The following SLC36A1 variants were observed in gnomAD, a reference collection of about 807,000 sequenced individuals.
SLC36A1 encodes proton-coupled amino acid transporter 1.
Under a neutral mutation model 47.5 loss-of-function variants are expected in SLC36A1, and 30 were observed. The ratio of observed to expected loss-of-function variants is 0.63; its 90% CI spans 0.47 to 0.86. The LOEUF is 0.86. Ranked by LOEUF, SLC36A1 falls within the 40% of genes least tolerant of loss-of-function variation. The pLI is 0.00. For synonymous variants in SLC36A1, 255 were observed against 249.7 expected (o/e 1.02, Z -0.20); for missense variants, 517 against 606.0 (o/e 0.85, Z 1.54).
At chr5:151,552,415 G>A in the SLC36A1 span, among the ~76,000 whole-genome samples, 5 of 152,174 alleles carry the variant, frequency 3.3e-5, no homozygotes, top group African/African-American at 9.7e-5. Context: ...TGGGTCAAGG[G>A]CATATATCCT....
chr5:151,485,676 A>G (rs1244271722), intron 10 of SLC36A1, among the ~76,000 whole-genome samples: 4 of 152,080 alleles, frequency 2.6e-5, no homozygotes, highest in Non-Finnish European at 4.4e-5. Context: ...CTCTCTTTCC[A>G]TAGGACTGTA....
intron 9 of SLC36A1, among the ~76,000 whole-genome samples, chr5:151,478,630 T>C (rs527885709): frequency 6.6e-6 from 1 of 152,338 alleles, no homozygotes; most frequent in African/African-American, 2.4e-5. Context: ...TGTATGCCCA[T>C]GGCAAAGATT....
the SLC36A1 span, among the ~76,000 whole-genome samples, chr5:151,356,339 C>CAAAAAAAAAAAAAAAAAAA: frequency 0.019 from 963 of 51,172 alleles, 88 homozygotes; most frequent in Non-Finnish European, 0.029. Context: ...CTCTGTCTCA[C>CAAAAAAAAAAAAAAAAAAA]AAAAAAAAAA....
chr5:151,390,789 A>G, the SLC36A1 span, among the ~76,000 whole-genome samples: 2 of 152,184 alleles, frequency 1.3e-5, no homozygotes, highest in Non-Finnish European at 2.9e-5. Context: ...TACCAGTACC[A>G]TGTTGTTTTG....
the SLC36A1 span, among the ~76,000 whole-genome samples, chr5:151,537,367 G>C: frequency 1.4e-5 from 2 of 142,156 alleles, no homozygotes; most frequent in Non-Finnish European, 3.0e-5. Flanking sequence ...AGGAAGGAAG[G>C]AAAGAAACAA....
chr5:151,375,671 A>G, the SLC36A1 span, among the ~76,000 whole-genome samples: 75,269 of 151,860 alleles, frequency 0.5, 20,676 homozygotes, highest in African/African-American at 0.75. Context: ...TCATTTTAAC[A>G]ACTGTGTTTT....
At chr5:151,422,285 T>C in the SLC36A1 span, 4 of 152,196 alleles carry the variant, frequency 2.6e-5, no homozygotes, top group East Asian at 1.9e-4. Context: ...ATGAAAAACA[T>C]AGGACAAAAA....
intron 1 of SLC36A1, among the ~76,000 whole-genome samples, chr5:151,449,932 T>A (rs1314988063): frequency 1.0e-5 from 1 of 97,704 alleles, no homozygotes; most frequent in African/African-American, 3.8e-5. Context: ...GATGTCCACT[T>A]ACTAGCATGT....
At chr5:151,349,224 GAGA>G in the SLC36A1 span, among the ~76,000 whole-genome samples, 1 of 152,154 alleles carries the variant, frequency 6.6e-6, no homozygotes, top group Admixed American at 6.5e-5. Context: ...TCCAGGTTTT[GAGA>G]AGAACTCTGA....
chr5:151,505,252 C>A, the SLC36A1 span: 1 of 446,276 alleles, frequency 2.2e-6, no homozygotes, highest in East Asian at 4.5e-5. Context: ...GACTGAGAGC[C>A]GGCAGATCAG....
chr5:151,372,635 A>G, the SLC36A1 span, among the ~76,000 whole-genome samples: 1 of 152,006 alleles, frequency 6.6e-6, no homozygotes, highest in African/African-American at 2.4e-5. Flanking sequence ...ATTTTTAGAG[A>G]CGGGGTCCTG....
chr5:151,489,107 AC>A lies in SLC36A1; in HGVS notation c.*854del, dbSNP rs1759900747. 6.6e-6 allele frequency: 1 copy of A among 151,878 alleles called. No homozygotes were observed. The highest frequency in any genetic ancestry group is 2.1e-4 in the South Asian group (1 of 4,802). 9.4% of individuals were successfully genotyped at this position (151,878 alleles called of 1,614,324 possible). A position where few individuals can be genotyped will look rare whatever the true frequency, so the allele number is the denominator to read the frequency against. The stretch of plus-strand genomic sequence containing the variant: ...GGGTCCTCGGCACTCTTGGCTGAGG[AC>A]TCAAAGGTTTTAATCAGGATCGTCT... On this transcript the variant is annotated 3_prime_UTR_variant, in exon 11 of 11. Coordinates refer to ENST00000243389, the MANE Select transcript of SLC36A1 (RefSeq NM_078483.4). The surrounding 1 kb of genome is among the most constrained non-coding windows in gnomAD (Gnocchi z 4.5).
rs1438207012 is a variant in SLC36A1, at chr5:151,465,114, T to C, written c.364T>C (p.Tyr122His). 1.2e-6 allele frequency: 2 copies of C among 1,614,202 alleles called. No individual in the cohort carries two copies. The highest frequency in any genetic ancestry group is 2.2e-5 in the East Asian group (1 of 44,892). ...SFVDYGDTVM[Y>H]GLESSPCSWL... ...TGTGGATTATGGTGATACTGTGATG[T>C]ATGGACTAGAATCCAGCCCCTGCTC... Residue 122 changes from tyrosine (Y) to histidine (H), a missense_variant, in exon 5 of 11, where the codon TAT becomes CAT. Coordinates refer to ENST00000243389, the MANE Select transcript of SLC36A1 (RefSeq NM_078483.4).
intron 10 of SLC36A1, among the ~76,000 whole-genome samples, chr5:151,487,518 G>A (rs1759733029): frequency 6.6e-6 from 1 of 152,198 alleles, no homozygotes; most frequent in African/African-American, 2.4e-5. Context: ...TTTCCAGAAG[G>A]CGGGGTTTCT....
the SLC36A1 span, among the ~76,000 whole-genome samples, chr5:151,392,374 T>C: frequency 2.0e-5 from 3 of 152,222 alleles, no homozygotes; most frequent in Non-Finnish European, 4.4e-5. Flanking sequence ...TTGATTTTTT[T>C]GAAGGATTTT....
intron 3 of SLC36A1, 58 bp downstream of exon 3, chr5:151,463,701 T>C: frequency 1.5e-6 from 2 of 1,336,078 alleles, no homozygotes. Context: ...TAGCTTTTTG[T>C]TGTTGTTAAA....
chr5:151,532,388 AACACACAC>A, the SLC36A1 span, among the ~76,000 whole-genome samples: 75,198 of 150,378 alleles, frequency 0.5, 18,857 homozygotes, highest in South Asian at 0.58. Flanking sequence ...TGCGTGTACA[AACACACAC>A]ACACACACAC....
upstream of SLC36A1, among the ~76,000 whole-genome samples, chr5:151,434,913 A>G (rs1034770342): frequency 1.3e-5 from 2 of 152,214 alleles, no homozygotes; most frequent in African/African-American, 2.4e-5. Flanking sequence ...CACCCAGCCT[A>G]TGGTAATATG....
the SLC36A1 span, among the ~76,000 whole-genome samples, chr5:151,424,397 C>G: frequency 6.6e-6 from 1 of 152,148 alleles, no homozygotes; most frequent in Admixed American, 6.5e-5. Context: ...GCTAAGAAGG[C>G]AGACAAGCGA....
Sources: allele counts gnomAD v4.1 joint callset (sites outside exome capture counted in the v4.1 genomes callset), GRCh38; gene constraint gnomAD v4.1.1; non-coding constraint Gnocchi (gnomAD v3.1); transcripts MANE v1.5; gene names NCBI Gene and HGNC (gene_info 2026-07-23, HGNC 2026-07-21).